Variants in SNTB2 observed in about 807,000 individuals in gnomAD.
SNTB2 encodes the protein beta-2-syntrophin.
A neutral mutation model predicts 46.2 loss-of-function variants in SNTB2; 34 were observed. That is an observed-to-expected ratio of 0.74 (90% CI 0.56 to 0.98). SNTB2 has a LOEUF of 0.98. Ranked by LOEUF, SNTB2 falls within the 50% of genes least tolerant of loss-of-function variation. SNTB2 has a pLI of 0.00. For missense variants in SNTB2, 603 were observed against 731.4 expected (o/e 0.82, Z 2.02); for synonymous variants, 290 against 312.6 (o/e 0.93, Z 0.76).
intron 1 of SNTB2, among the ~76,000 whole-genome samples, chr16:69,218,545 A>C (rs1206342295): frequency 6.0e-5 from 9 of 150,810 alleles, no homozygotes; most frequent in African/African-American, 2.2e-4. Flanking sequence ...CCTCAGCCTC[A>C]CGAGTAGCTG....
intron 1 of SNTB2, among the ~76,000 whole-genome samples, chr16:69,218,661 T>C (rs1313994185): frequency 6.6e-6 from 1 of 152,190 alleles, no homozygotes; most frequent in Non-Finnish European, 1.5e-5. Flanking sequence ...GACCTCGTGA[T>C]CCACCTGCCT....
chr16:69,262,011 C>A (rs1303471188), intron 3 of SNTB2, among the ~76,000 whole-genome samples: 1 of 152,094 alleles, frequency 6.6e-6, no homozygotes, highest in African/African-American at 2.4e-5. Flanking sequence ...GAGCTTGAGA[C>A]CAACCTGGGC....
intron 5 of SNTB2, among the ~76,000 whole-genome samples, chr16:69,295,294 A>G (rs1965213165): frequency 8.6e-6 from 1 of 116,854 alleles, no homozygotes; most frequent in African/African-American, 3.4e-5. Flanking sequence ...GCCAGGCTGG[A>G]GTACAGTGGC....
chr16:69,244,731 G>A (rs993693282), intron 1 of SNTB2, among the ~76,000 whole-genome samples: 4 of 152,190 alleles, frequency 2.6e-5, no homozygotes, highest in Non-Finnish European at 1.5e-5. Context: ...TTGGCTTTGT[G>A]CTTATTAGAT....
intron 1 of SNTB2, among the ~76,000 whole-genome samples, chr16:69,224,454 G>A (rs7198246): frequency 0.051 from 7,735 of 151,950 alleles, 364 homozygotes; most frequent in African/African-American, 0.12. Context: ...CTCATGATCC[G>A]CTTGCCTTGG....
At chr16:69,292,395 T>C (rs1475175929) in intron 5 of SNTB2, among the ~76,000 whole-genome samples, 5 of 28,820 alleles carry the variant, frequency 1.7e-4, no homozygotes, top group African/African-American at 3.6e-4. Context: ...ATATATTATA[T>C]ATATATATAT....
intron 4 of SNTB2, among the ~76,000 whole-genome samples, chr16:69,280,528 CCGGGCGGGGGGCTCACA>C (rs564668035): frequency 0.037 from 5,632 of 150,308 alleles, 293 homozygotes; most frequent in African/African-American, 0.13. Context: ...GGGCGGCTGG[CCGGGCGGGGGGCTCACA>C]CCCCCACCTC....
At chr16:69,232,830 T>C (rs1018431823) in intron 1 of SNTB2, among the ~76,000 whole-genome samples, 11 of 152,082 alleles carry the variant, frequency 7.2e-5, no homozygotes, top group African/African-American at 2.7e-4. Context: ...AATTTTTAAA[T>C]CCTGAAATTT....
intron 1 of SNTB2, 65 bp from the exon 2 acceptor site, chr16:69,245,537 T>C: frequency 6.9e-7 from 1 of 1,457,848 alleles, no homozygotes; most frequent in Non-Finnish European, 9.6e-7. Flanking sequence ...ATGTGAATAC[T>C]TTAGTTATCA....
intron 1 of SNTB2, among the ~76,000 whole-genome samples, chr16:69,216,074 A>C (rs891425204): frequency 2.6e-5 from 4 of 152,172 alleles, no homozygotes; most frequent in African/African-American, 9.7e-5. Flanking sequence ...CCTCGGCCTC[A>C]CAAAATACAG....
At chr16:69,278,837 C>T (rs114300929) in intron 4 of SNTB2, among the ~76,000 whole-genome samples, 3,474 of 151,510 alleles carry the variant, frequency 0.023, 136 homozygotes, top group African/African-American at 0.08. Flanking sequence ...GCACTAAGGA[C>T]ACTTCTTGCT....
intron 1 of SNTB2, among the ~76,000 whole-genome samples, chr16:69,245,047 T>C (rs1964655910): frequency 6.6e-6 from 1 of 152,228 alleles, no homozygotes; most frequent in Admixed American, 6.5e-5. Flanking sequence ...TTGTTCTATA[T>C]GGCTTGAGAA....
intron 4 of SNTB2, among the ~76,000 whole-genome samples, chr16:69,274,788 T>C (rs555249427): frequency 1.5e-4 from 23 of 152,260 alleles, no homozygotes; most frequent in African/African-American, 5.5e-4. Flanking sequence ...GTGAGACCTC[T>C]GGTCTCAAAA....
chr16:69,259,236 ATTTTTTTTTTTT>A (rs58387978), intron 2 of SNTB2, among the ~76,000 whole-genome samples: 15 of 69,136 alleles, frequency 2.2e-4, no homozygotes, highest in African/African-American at 7.5e-4. Context: ...GGTCTTTCTG[ATTTTTTTTTTTT>A]TTTTTTTTTT....
intron 1 of SNTB2, among the ~76,000 whole-genome samples, chr16:69,206,459 T>C (rs936796516): frequency 3.3e-4 from 50 of 152,028 alleles, no homozygotes; most frequent in Non-Finnish European, 1.6e-4. Flanking sequence ...CCCAGCACTT[T>C]GGGAGGCCAA....
chr16:69,240,703 A>G (rs1030380850), intron 1 of SNTB2: 10 of 152,264 alleles, frequency 6.6e-5, no homozygotes, highest in African/African-American at 2.4e-4. Flanking sequence ...AAAAGGTAAG[A>G]GTTAGAGATA....
intron 5 of SNTB2, among the ~76,000 whole-genome samples, chr16:69,292,430 A>AT (rs1259226422): frequency 1.7e-4 from 2 of 11,600 alleles, no homozygotes; most frequent in Non-Finnish European, 2.6e-4. Flanking sequence ...ATATATATAT[A>AT]TATATTATAT....
chr16:69,206,953 G>T (rs564669784), intron 1 of SNTB2, among the ~76,000 whole-genome samples: 5 of 151,522 alleles, frequency 3.3e-5, no homozygotes, highest in African/African-American at 4.8e-5. Flanking sequence ...TTTTAGTAGA[G>T]ATGGGGTTTC....
intron 2 of SNTB2, among the ~76,000 whole-genome samples, chr16:69,252,903 GTTTT>G (rs35211076): frequency 7.5e-6 from 1 of 133,284 alleles, no homozygotes; most frequent in Non-Finnish European, 1.6e-5. Flanking sequence ...CCCTTTGTCA[GTTTT>G]TTTTTTTTTT....
Sources: gnomAD v4.1 joint callset for allele counts (sites outside exome capture counted in the v4.1 genomes callset) on GRCh38, gnomAD v4.1.1 for gene constraint, MANE v1.5 for transcripts, NCBI Gene and HGNC (gene_info 2026-07-23, HGNC 2026-07-21) for gene names.